ICAM1: variants seen among roughly 807,000 people sequenced by gnomAD.
The protein encoded by ICAM1 is intercellular adhesion molecule 1.
In ICAM1, 28 loss-of-function variants were observed where a neutral mutation model predicts 42.3. The ratio of observed to expected loss-of-function variants is 0.66; its 90% CI spans 0.49 to 0.91. ICAM1 has a LOEUF of 0.91. ICAM1 is among the 40% of genes least tolerant of loss of function. ICAM1 has a pLI of 0.00. For synonymous variants in ICAM1, 304 were observed against 305.9 expected (o/e 0.99, Z 0.07); for missense variants, 637 against 688.6 (o/e 0.93, Z 0.84).
chr19:10,284,505 A>T lies in ICAM1; in HGVS notation c.1028A>T (p.Asn343Ile), dbSNP rs2040087318. 6.2e-7 allele frequency: 1 copy of T among 1,613,888 alleles called. No homozygotes were observed. The highest frequency in any genetic ancestry group is 1.1e-5 in the South Asian group (1 of 91,086). ...EAHPRAKVTL[N>I]GVPAQPLGPR... ...CACCCTAGAGCCAAGGTGACGCTGA[A>T]TGGGGTTCCAGCCCAGCCACTGGGC... is the stretch of plus-strand genomic sequence containing the variant. The change falls in exon 5 of 7, where the codon AAT (asparagine) becomes ATT (isoleucine). Residue 343 changes from asparagine to isoleucine, a missense_variant. Transcript: ENST00000264832. The surrounding 1 kb of genome is among the most constrained non-coding windows in gnomAD (Gnocchi z 5.4).
intron 1 of ICAM1, among the ~76,000 whole-genome samples, chr19:10,271,451 T>C (rs1402531342): frequency 6.7e-6 from 1 of 150,308 alleles, no homozygotes; most frequent in Non-Finnish European, 1.5e-5. Flanking sequence ...GGGTTGGAGA[T>C]GGAGGGGAGG....
At chr19:10,276,975 CAA>C (rs536596915) in intron 2 of ICAM1, among the ~76,000 whole-genome samples, 17 of 79,300 alleles carry the variant, frequency 2.1e-4, no homozygotes, top group Admixed American at 4.3e-4. Flanking sequence ...AACTCCATCT[CAA>C]AAAAAAAAAA....
At chr19:10,273,875 G>C (rs1469539401) in intron 1 of ICAM1, among the ~76,000 whole-genome samples, 3 of 152,142 alleles carry the variant, frequency 2.0e-5, no homozygotes, top group South Asian at 2.1e-4. Context: ...TTAGCTGGGC[G>C]TGGTGGTGCT....
chr19:10,283,063 G>A (rs999134250), intron 2 of ICAM1: 1 of 156,682 alleles, frequency 6.4e-6, no homozygotes, highest in African/African-American at 2.4e-5. Context: ...AATTAACCTG[G>A]TGTGGTGGTG....
intron 2 of ICAM1, among the ~76,000 whole-genome samples, chr19:10,280,327 A>G (rs2040047215): frequency 6.6e-6 from 1 of 151,818 alleles, no homozygotes; most frequent in Non-Finnish European, 1.5e-5. Flanking sequence ...GACTATATAT[A>G]TATATATTTT....
rs550567991 is a variant in ICAM1 at position 10,277,869 on chromosome 19, T to C, written c.331+2841T>C. On this transcript the variant is annotated intron_variant, in intron 2 of 6. Transcript: ENST00000264832. ...TCAAGGCCAAAATAAGGAATTCAAATGAAAACAAAACAAAATCAAAGAAGA... is the reference window on the plus strand; with the variant it reads ...TCAAGGCCAAAATAAGGAATTCAAACGAAAACAAAACAAAATCAAAGAAGA... Among the ~76,000 whole-genome samples the C allele has an allele frequency of 1.8e-4, 27 of 152,128 alleles. 1 individual carries two copies. The South Asian group carries it at 5.4e-3, about 30-fold the overall frequency.
chr19:10,280,719 G>A lies in ICAM1; in HGVS notation c.332-2762G>A, dbSNP rs543733109. Among the ~76,000 whole-genome samples the A allele has an allele frequency of 7.3e-5, 11 of 151,694 alleles. No homozygotes were observed. The South Asian group carries it at 1.7e-3, about 23-fold the overall frequency. ...TGAGTAGCTGGGATTACAGGCATGC[G>A]ACACCACACAAGGCTAATTTTGTAT... On this transcript the variant is annotated intron_variant, in intron 2 of 6. Coordinates refer to ENST00000264832, the MANE Select transcript of ICAM1 (RefSeq NM_000201.3).
At position 10,285,568 on chromosome 19, in the gene ICAM1, TGAGAG is replaced by T; in HGVS notation, c.*283_*287del. 1 of 393,538 alleles carries T rather than the reference TGAGAG, an allele frequency of 2.5e-6. No individual in the cohort carries two copies. The highest frequency in any genetic ancestry group is 4.6e-6 in the Non-Finnish European group (1 of 216,120). 24.4% of individuals were successfully genotyped at this position (393,538 alleles called of 1,614,324 possible). Reference sequence around the variant, plus strand: ...TGATGGATGTTAAAGTCTAGCCTGATGAGAGGGGAAGTGGTGGGGGAGACATAGCC... The same window carrying T: ...TGATGGATGTTAAAGTCTAGCCTGATGGGAAGTGGTGGGGGAGACATAGCC... On this transcript the variant is annotated 3_prime_UTR_variant, in exon 7 of 7. Coordinates refer to ENST00000264832, the MANE Select transcript of ICAM1 (RefSeq NM_000201.3).
chr19:10,280,427 G>T (rs997121783), intron 2 of ICAM1, among the ~76,000 whole-genome samples: 1 of 152,108 alleles, frequency 6.6e-6, no homozygotes, highest in Non-Finnish European at 1.5e-5. Flanking sequence ...AGGCTGGAGT[G>T]CAGTGGTACA....
chr19:10,276,252 A>G (rs10420063), intron 2 of ICAM1, among the ~76,000 whole-genome samples: 8,878 of 151,800 alleles, frequency 0.058, 868 homozygotes, highest in African/African-American at 0.2. Flanking sequence ...GGTAACAAAC[A>G]AAAGAATTGA....
intron 2 of ICAM1, among the ~76,000 whole-genome samples, chr19:10,282,495 C>T (rs1394614314): frequency 6.6e-6 from 1 of 152,096 alleles, no homozygotes; most frequent in Non-Finnish European, 1.5e-5. Context: ...GATCCACCCT[C>T]CTTGGCCTCC....
intron 2 of ICAM1, among the ~76,000 whole-genome samples, chr19:10,275,476 A>G (rs1173200905): frequency 1.3e-5 from 2 of 152,100 alleles, no homozygotes; most frequent in Non-Finnish European, 2.9e-5. Context: ...AGTCTGGATA[A>G]CAGAGCAAGA....
chr19:10,272,422 C>T (rs141411084), intron 1 of ICAM1, among the ~76,000 whole-genome samples: 2 of 152,178 alleles, frequency 1.3e-5, no homozygotes, highest in African/African-American at 4.8e-5. Context: ...CTCACACCCC[C>T]ATCCAAGATA....
chr19:10,273,993 G>T (rs1237189089), intron 1 of ICAM1, among the ~76,000 whole-genome samples: 4 of 150,334 alleles, frequency 2.7e-5, no homozygotes, highest in African/African-American at 9.8e-5. Context: ...CAGTCTGAGT[G>T]ACAAAGCGAG....
At chr19:10,278,698 C>T (rs770021273) in intron 2 of ICAM1, among the ~76,000 whole-genome samples, 6 of 151,812 alleles carry the variant, frequency 4.0e-5, no homozygotes, top group African/African-American at 7.3e-5. Context: ...CCTGGCACCA[C>T]GCCTGGCTAA....
Position 10,284,113 on chromosome 19 carries a change from G to A in ICAM1, c.718G>A (p.Asp240Asn). The change falls in exon 4 of 7, where the codon GAC becomes AAC. Residue 240 changes from aspartate (D) to asparagine (N), a missense_variant. Transcript: ENST00000264832. This position sits in a 1 kb window ranked among gnomAD's most constrained non-coding sequence, Gnocchi z 5.4. ...GCAGGGGACCGTGGTCTGTTCCCTG[G>A]ACGGGCTGTTCCCAGTCTCGGAGGC... Reference protein sequence around the residue: ...DTQGTVVCSLDGLFPVSEAQV... With the variant: ...DTQGTVVCSLNGLFPVSEAQV... The A allele has an allele frequency of 6.2e-7, 1 of 1,614,052 alleles. No homozygotes were observed. The highest frequency in any genetic ancestry group is 8.5e-7 in the Non-Finnish European group (1 of 1,180,010).
At chr19:10,271,252 G>C (rs1423532596) in intron 1 of ICAM1, 26 bp downstream of exon 1, 1 of 1,607,630 alleles carries the variant, frequency 6.2e-7, no homozygotes, top group South Asian at 1.1e-5. Context: ...GATTGCCGTC[G>C]GGCCAGTTCT....
At chr19:10,276,333 CAGG>C (rs1241147136) in intron 2 of ICAM1, among the ~76,000 whole-genome samples, 17 of 149,942 alleles carry the variant, frequency 1.1e-4, no homozygotes, top group Non-Finnish European at 1.9e-4. Context: ...ATCACAAGGT[CAGG>C]AGATCGAGAC....
chr19:10,285,020 A>T lies in ICAM1; in HGVS notation c.1418A>T (p.Asn473Ile). Residue 473 changes from asparagine (N) to isoleucine (I), a missense_variant, in exon 6 of 7, where the codon AAT (asparagine) becomes ATT (isoleucine). Physicochemically the swap from Asn to Ile is moderately radical, Grantham distance 149. Coordinates refer to ENST00000264832, the MANE Select transcript of ICAM1 (RefSeq NM_000201.3). ...QGEVTRKVTVNVLSPRYEIVI... is the reference protein window; with the variant it reads ...QGEVTRKVTVIVLSPRYEIVI... ...GAGGTCACCCGCAAGGTGACCGTGA[A>T]TGTGCTCTGTGAGTGAGCCGGCGGG... 1.9e-6 allele frequency: 3 copies of T among 1,613,734 alleles called. No individual in the cohort carries two copies. Among genetic ancestry groups the T allele is most frequent in the Non-Finnish European group, 2.5e-6 (3 of 1,179,940 alleles).
Sources: allele counts gnomAD v4.1 joint callset (sites outside exome capture counted in the v4.1 genomes callset), GRCh38; gene constraint gnomAD v4.1.1; non-coding constraint Gnocchi (gnomAD v3.1); transcripts MANE v1.5; gene names NCBI Gene and HGNC (gene_info 2026-07-23, HGNC 2026-07-21).